Variants in PLCB4 observed in about 807,000 individuals in gnomAD.
PLCB4 encodes phospholipase C beta 4, also known as 1-phosphatidylinositol 4,5-bisphosphate phosphodiesterase beta-4.
PLCB4 carries 77 observed loss-of-function variants against 178.8 expected under a neutral mutation model. The ratio of observed to expected loss-of-function variants is 0.43; its 90% confidence interval spans 0.36 to 0.52. The LOEUF (loss-of-function observed/expected upper bound fraction) is 0.52. Ranked by LOEUF, PLCB4 falls within the 20% of genes least tolerant of loss-of-function variation. PLCB4 has a pLI of 0.00. For synonymous variants in PLCB4, 496 were observed against 490.8 expected, an observed-to-expected ratio of 1.01 and a Z score of -0.14; for missense variants, 1,024 against 1,453.4, an observed-to-expected ratio of 0.70 and a Z score of 4.80.
chr20:9,162,344 G>T (rs576199206), intron 2 of PLCB4, among the ~76,000 whole-genome samples: 1 of 152,224 alleles, frequency 6.6e-6, no homozygotes, highest in African/African-American at 2.4e-5. Context: ...GCAAAATGTG[G>T]CGATTTGTGT....
At chr20:9,387,999 G>T (rs573314708) in intron 15 of PLCB4, among the ~76,000 whole-genome samples, 3 of 152,246 alleles carry the variant, frequency 2.0e-5, no homozygotes, top group Admixed American at 2.0e-4. Context: ...AGCACTTTGG[G>T]AAGCCGAGGC....
At chr20:9,428,589 G>C (rs2041188271) in intron 28 of PLCB4, among the ~76,000 whole-genome samples, 1 of 152,050 alleles carries the variant, frequency 6.6e-6, no homozygotes, top group Non-Finnish European at 1.5e-5. Flanking sequence ...TTAATCTTTT[G>C]GTAGGAACCC....
At position 9,290,407 on chromosome 20, in the gene PLCB4, G is replaced by A. The variant is rs143934230; in HGVS notation, c.-15-17393G>A. ...AACACCATGTGAACTCTTTGGAATC[G>A]CTTCACATCCAACTCTCTGACCTTT... On this transcript the variant is annotated intron_variant, in intron 3 of 39. Coordinates refer to ENST00000378473, the MANE Select transcript of PLCB4 (RefSeq NM_001377142.1). Among the ~76,000 whole-genome samples the A allele has an allele frequency of 1.2e-3, 182 of 152,210 alleles. 1 individual carries two copies. Among genetic ancestry groups the A allele is most frequent in the African/African-American group, 3.9e-3 (163 of 41,552 alleles).
chr20:9,084,411 A>C (rs945521753), intron 1 of PLCB4, among the ~76,000 whole-genome samples: 15 of 152,206 alleles, frequency 9.9e-5, no homozygotes, highest in African/African-American at 3.6e-4. Flanking sequence ...TCTAAAACAA[A>C]ATAAAAATGG....
intron 2 of PLCB4, among the ~76,000 whole-genome samples, chr20:9,106,427 A>AGT (rs2091366114): frequency 3.9e-5 from 6 of 152,064 alleles, no homozygotes; most frequent in African/African-American, 1.4e-4. Flanking sequence ...CTGAAGGGCC[A>AGT]TATTTTCCCA....
intron 29 of PLCB4, 101 bp downstream of exon 29, chr20:9,435,749 G>A (rs6118612): frequency 1.4e-6 from 1 of 699,286 alleles, no homozygotes; most frequent in Non-Finnish European, 2.5e-6. Context: ...GCAAATTTAA[G>A]GAGGGTTTTT....
intron 3 of PLCB4, among the ~76,000 whole-genome samples, chr20:9,269,660 A>G (rs1285021558): frequency 6.6e-6 from 1 of 152,204 alleles, no homozygotes; most frequent in East Asian, 1.9e-4. Context: ...AACTACTCTT[A>G]TATCAACAGA....
intron 24 of PLCB4, 142 bp downstream of exon 24, chr20:9,409,323 T>G: frequency 1.9e-6 from 1 of 525,280 alleles, no homozygotes; most frequent in Non-Finnish European, 3.1e-6. Flanking sequence ...ATTTATATAA[T>G]GGTGAGAAAT....
Position 9,325,896 on chromosome 20 carries a change from A to G in PLCB4, c.85-11230A>G, listed in dbSNP as rs117263474. ...CATACACTCGGCAGCTATAAACAACACATTTATCCCTCACACTTCTGGAGG... is the reference window on the plus strand; with the variant it reads ...CATACACTCGGCAGCTATAAACAACGCATTTATCCCTCACACTTCTGGAGG... On this transcript the variant is annotated intron_variant, in intron 4 of 39. Transcript: ENST00000378473. 1.3e-3 allele frequency among the ~76,000 whole-genome samples: 204 copies of G among 152,294 alleles called. 1 individual carries two copies. The highest frequency in any genetic ancestry group is 2.3e-3 in the Non-Finnish European group (158 of 68,022).
intron 28 of PLCB4, among the ~76,000 whole-genome samples, chr20:9,429,933 T>C (rs961564093): frequency 4.6e-5 from 7 of 152,206 alleles, no homozygotes; most frequent in Admixed American, 2.6e-4. Flanking sequence ...TGCCACCACA[T>C]GACCCAATTA....
At chr20:9,294,392 G>GA (rs1020554332) in intron 3 of PLCB4, among the ~76,000 whole-genome samples, 12 of 151,754 alleles carry the variant, frequency 7.9e-5, no homozygotes, top group Non-Finnish European at 1.2e-4. Context: ...GATGAAGCTT[G>GA]AAAAAAAATG....
intron 4 of PLCB4, among the ~76,000 whole-genome samples, chr20:9,332,566 G>A (rs543851086): frequency 3.0e-4 from 45 of 151,868 alleles, no homozygotes; most frequent in African/African-American, 1.0e-3. Context: ...CGTGAGCCTG[G>A]TCTTTAGTGT....
intron 16 of PLCB4, 105 bp from the exon 17 acceptor site, chr20:9,390,426 G>A (rs1602315341): frequency 3.4e-6 from 2 of 582,206 alleles, no homozygotes; most frequent in Non-Finnish European, 3.2e-6. Context: ...GGACAATAAT[G>A]CATTTTGCCA....
intron 1 of PLCB4, among the ~76,000 whole-genome samples, chr20:9,091,624 G>A (rs2090681755): frequency 6.6e-6 from 1 of 150,608 alleles, no homozygotes; most frequent in African/African-American, 2.4e-5. Flanking sequence ...ATGGGAAAGG[G>A]GAGAGACTAG....
chr20:9,112,379 C>T (rs2091613269), intron 2 of PLCB4, among the ~76,000 whole-genome samples: 1 of 151,882 alleles, frequency 6.6e-6, no homozygotes, highest in South Asian at 2.1e-4. Flanking sequence ...CTCAGCCTCC[C>T]AAGTAGCTGG....
chr20:9,320,646 T>C (rs1458599604), intron 4 of PLCB4, among the ~76,000 whole-genome samples: 1 of 152,230 alleles, frequency 6.6e-6, no homozygotes, highest in Non-Finnish European at 1.5e-5. Flanking sequence ...AACCCTGTTT[T>C]AAGTAGGTCT....
chr20:9,124,474 G>A (rs1374575770), intron 2 of PLCB4, among the ~76,000 whole-genome samples: 2 of 152,256 alleles, frequency 1.3e-5, no homozygotes, highest in East Asian at 3.9e-4. Flanking sequence ...TCCAGCCTGC[G>A]TGACAGAATA....
intron 3 of PLCB4, among the ~76,000 whole-genome samples, chr20:9,275,992 T>C (rs1396394102): frequency 6.6e-6 from 1 of 151,988 alleles, no homozygotes; most frequent in African/African-American, 2.4e-5. Flanking sequence ...CAGTTTAGGA[T>C]GCATGTGGAG....
Position 9,435,673 on chromosome 20 carries a change from G to C in PLCB4, c.2613+25G>C, listed in dbSNP as rs370983219. 5.9e-5 allele frequency: 79 copies of C among 1,347,976 alleles called. No homozygotes were observed. In the Middle Eastern group the frequency reaches 9.1e-4, roughly 15 times the overall value. The allele number at this position is 1,347,976 out of a possible 1,614,324, so 83.5% of individuals were successfully genotyped here. ...TGTAAGTAGAAATGGTTGATTAAAG[G>C]TGGCCAAGTTGTGGGAGTTTGATTA... On this transcript the variant is annotated intron_variant, in intron 29 of 39. Transcript: ENST00000378473.
Sources: gnomAD v4.1 joint callset for allele counts (sites outside exome capture counted in the v4.1 genomes callset) on GRCh38, gnomAD v4.1.1 for gene constraint, MANE v1.5 for transcripts, NCBI Gene and HGNC (gene_info 2026-07-23, HGNC 2026-07-21) for gene names.